The following ADAMTS6 variants were observed in gnomAD, a reference collection of about 807,000 sequenced individuals.
ADAMTS6 encodes A disintegrin and metalloproteinase with thrombospondin motifs 6.
In ADAMTS6, 23 loss-of-function variants were observed where a neutral mutation model predicts 144.3. The ratio of observed to expected loss-of-function variants is 0.16; its 90% CI spans 0.11 to 0.23. The LOEUF (loss-of-function observed/expected upper bound fraction) is 0.23, where lower values mean the gene tolerates loss of function less well. Ranked by LOEUF, ADAMTS6 falls within the 10% of genes least tolerant of loss-of-function variation. The pLI, the probability that ADAMTS6 is intolerant of heterozygous loss-of-function variation, is 1.00. For missense variants in ADAMTS6, 999 were observed against 1,379.6 expected (o/e 0.72, Z 4.37); for synonymous variants, 444 against 457.5 (o/e 0.97, Z 0.38).
intron 24 of ADAMTS6, among the ~76,000 whole-genome samples, chr5:65,168,755 G>C (rs1400784699): frequency 1.4e-5 from 2 of 145,592 alleles, no homozygotes; most frequent in Non-Finnish European, 3.1e-5. Flanking sequence ...TCTGATCTTT[G>C]ACAAACCTTA....
chr5:65,324,585 T>G (rs1293743600), intron 9 of ADAMTS6, among the ~76,000 whole-genome samples: 1 of 151,940 alleles, frequency 6.6e-6, no homozygotes, highest in Non-Finnish European at 1.5e-5. Context: ...ACATGTTATA[T>G]ATATAATGGA....
intron 15 of ADAMTS6, among the ~76,000 whole-genome samples, chr5:65,231,301 A>G (rs1758226612): frequency 6.6e-6 from 1 of 152,162 alleles, no homozygotes; most frequent in Admixed American, 6.5e-5. Flanking sequence ...AAGTCATTAT[A>G]TAATGATAAA....
At position 65,185,965 on chromosome 5, in the gene ADAMTS6, C is replaced by T. The variant is rs1477153135; in HGVS notation, c.2910+2051G>A. On this transcript the variant is annotated intron_variant, in intron 22 of 24. Transcript: ENST00000381055. ...ATATTTTAGTGGTTGGCAGCAACTTCTTCTAGAAATTTCTCAGAAGGCATT... is the reference window on the plus strand; with the variant it reads ...ATATTTTAGTGGTTGGCAGCAACTTTTTCTAGAAATTTCTCAGAAGGCATT... Among the ~76,000 whole-genome samples the T allele has an allele frequency of 2.0e-5, 3 of 152,160 alleles. No individual in the cohort carries two copies. The East Asian group carries it at 5.8e-4, about 29-fold the overall frequency.
intron 9 of ADAMTS6, among the ~76,000 whole-genome samples, chr5:65,303,080 C>T (rs2112811039): frequency 6.6e-6 from 1 of 152,226 alleles, no homozygotes; most frequent in South Asian, 2.1e-4. Context: ...AAGAGAATAA[C>T]TTTTGATGGT....
chr5:65,321,661 T>C (rs1458011373), intron 9 of ADAMTS6, among the ~76,000 whole-genome samples: 2 of 151,774 alleles, frequency 1.3e-5, no homozygotes, highest in Admixed American at 6.6e-5. Context: ...CAGGGTTTTA[T>C]AGTTTTGGGT....
chr5:65,210,223 C>T (rs1756409953), intron 20 of ADAMTS6: 2 of 169,624 alleles, frequency 1.2e-5, no homozygotes, highest in South Asian at 1.3e-4. Context: ...AAGGCCGAGA[C>T]GGGCGGATCA....
chr5:65,411,768 G>C (rs1488275045), intron 7 of ADAMTS6, among the ~76,000 whole-genome samples: 1 of 152,158 alleles, frequency 6.6e-6, no homozygotes. Flanking sequence ...ATATTATGTA[G>C]TAACATTTAA....
intron 4 of ADAMTS6, among the ~76,000 whole-genome samples, chr5:65,455,313 C>T (rs6891950): frequency 0.2 from 30,550 of 152,084 alleles, 4,555 homozygotes; most frequent in African/African-American, 0.43. Context: ...GAGCCTGAGG[C>T]GGGTGGATCA....
At chr5:65,347,276 T>A (rs755416225) in intron 7 of ADAMTS6, among the ~76,000 whole-genome samples, 2 of 151,794 alleles carry the variant, frequency 1.3e-5, no homozygotes, top group Non-Finnish European at 3.0e-5. Flanking sequence ...GCTGGAGGAA[T>A]TGAACTACCA....
chr5:65,307,991 GT>G (rs1744101997), intron 9 of ADAMTS6, among the ~76,000 whole-genome samples: 1 of 152,176 alleles, frequency 6.6e-6, no homozygotes, highest in Non-Finnish European at 1.5e-5. Context: ...CTTCCATGAT[GT>G]TGACAATTTC....
intron 24 of ADAMTS6, among the ~76,000 whole-genome samples, chr5:65,152,156 A>T (rs940253308): frequency 1.4e-4 from 22 of 152,164 alleles, no homozygotes; most frequent in Non-Finnish European, 2.4e-4. Context: ...AACACAATTT[A>T]AAAAAATGTT....
chr5:65,443,190 T>C (rs951336713), intron 7 of ADAMTS6, among the ~76,000 whole-genome samples: 7 of 152,210 alleles, frequency 4.6e-5, no homozygotes, highest in African/African-American at 1.7e-4. Context: ...TTTGGGTATA[T>C]ACCCAGGCCA....
chr5:65,452,806 A>G lies in ADAMTS6; in HGVS notation c.744T>C (p.Ile248=), dbSNP rs749907795. 15 of 1,614,132 alleles carry G rather than the reference A, an allele frequency of 9.3e-6. No individual in the cohort carries two copies. Among genetic ancestry groups the G allele is most frequent in the Non-Finnish European group, 1.3e-5 (15 of 1,179,982 alleles). ...CTACCAATGTCTCCACAAACCGTTC[A>G]ATGCTCACTGATCTCTTCTGTCTGT... ...IHHRQKRSVS[I]ERFVETLVVA... The change falls in exon 5 of 25, where the codon ATT becomes ATC. Residue 248 remains isoleucine (I), a synonymous_variant. Coordinates refer to ENST00000381055, the MANE Select transcript of ADAMTS6 (RefSeq NM_197941.4).
intron 11 of ADAMTS6, among the ~76,000 whole-genome samples, chr5:65,285,018 T>C (rs1282579656): frequency 3.9e-5 from 6 of 152,170 alleles, no homozygotes; most frequent in Non-Finnish European, 8.8e-5. Flanking sequence ...AGAGCTGTTT[T>C]AGTACTCTGC....
intron 12 of ADAMTS6, among the ~76,000 whole-genome samples, chr5:65,267,715 T>A (rs566666633): frequency 2.6e-4 from 39 of 151,786 alleles, no homozygotes; most frequent in South Asian, 6.2e-4. Flanking sequence ...TTAAAAAAAA[T>A]TTTTTTCTAG....
At chr5:65,174,468 G>T (rs576852505) in intron 22 of ADAMTS6, among the ~76,000 whole-genome samples, 1 of 152,160 alleles carries the variant, frequency 6.6e-6, no homozygotes, top group Non-Finnish European at 1.5e-5. Context: ...GGAACGCCTC[G>T]CCAGAGGAGC....
intron 8 of ADAMTS6, among the ~76,000 whole-genome samples, chr5:65,333,610 GT>G (rs370028836): frequency 1.1e-4 from 16 of 144,300 alleles, no homozygotes; most frequent in African/African-American, 2.3e-4. Flanking sequence ...CCTTAGTTGT[GT>G]TTTTTTTTTC....
At chr5:65,153,809 T>C (rs1752258128) in intron 24 of ADAMTS6, among the ~76,000 whole-genome samples, 1 of 152,182 alleles carries the variant, frequency 6.6e-6, no homozygotes, top group South Asian at 2.1e-4. Flanking sequence ...TTGAGCAAAT[T>C]AGAAGTAAAT....
Position 65,419,013 on chromosome 5 carries a change from G to A in ADAMTS6, c.1073+32462C>T, listed in dbSNP as rs370795036. On this transcript the variant is annotated intron_variant, in intron 7 of 24. Transcript: ENST00000381055. ...GAGATTTTTCAAAGAACTTGAAACC[G>A]AATTACCATTTGACCCAGCAATCCC... Among the ~76,000 whole-genome samples, 82 of 152,232 alleles carry A rather than the reference G, an allele frequency of 5.4e-4. 2 individuals are homozygous for A. The South Asian group carries it at 0.016, about 29-fold the overall frequency.
Sources: gnomAD v4.1 joint callset for allele counts (sites outside exome capture counted in the v4.1 genomes callset) on GRCh38, gnomAD v4.1.1 for gene constraint, MANE v1.5 for transcripts, NCBI Gene and HGNC (gene_info 2026-07-23, HGNC 2026-07-21) for gene names.